The following UNC13C variants were observed in gnomAD, a reference collection of about 807,000 sequenced individuals.
UNC13C encodes the protein protein unc-13 homolog C.
Under a neutral mutation model 245.4 loss-of-function variants are expected in UNC13C, and 174 were observed. That is an observed-to-expected ratio of 0.71 (90% confidence interval 0.63 to 0.80). The LOEUF is 0.80. Among genes scored for constraint, UNC13C ranks in the 30% least tolerant of loss-of-function variants. The pLI, the probability that UNC13C is intolerant of heterozygous loss-of-function variation, is 0.00. For synonymous variants in UNC13C, 992 were observed against 895.1 expected (o/e 1.11, Z -1.93); for missense variants, 2,829 against 2,602.9 (o/e 1.09, Z -1.89).
chr15:54,005,886 A>C (rs1470715778), intron 1 of UNC13C, among the ~76,000 whole-genome samples: 1 of 152,188 alleles, frequency 6.6e-6, no homozygotes, highest in Non-Finnish European at 1.5e-5. Flanking sequence ...AGAAAATGAT[A>C]TTTAAGGGAA....
chr15:53,917,708 C>T, the UNC13C span, among the ~76,000 whole-genome samples: 467 of 152,302 alleles, frequency 3.1e-3, 4 homozygotes, highest in African/African-American at 0.011. Context: ...ATCTGTCATA[C>T]TTTCCCTAGA....
chr15:53,845,458 C>A, the UNC13C span, among the ~76,000 whole-genome samples: 8 of 152,102 alleles, frequency 5.3e-5, no homozygotes, highest in African/African-American at 1.9e-4. Context: ...TGGAAGACAA[C>A]ACAGCCCTCC....
rs377063453 is a variant in UNC13C at position 54,333,849 on chromosome 15, G to A, written c.4577G>A (p.Arg1526Lys). The change falls in exon 16 of 33, where the codon AGG becomes AAG. Residue 1526 changes from arginine to lysine, a missense_variant. Arg to Lys is a conservative substitution (Grantham distance 26). Coordinates refer to ENST00000260323, the MANE Select transcript of UNC13C (RefSeq NM_001080534.3). ...VDLLTSITFF[R>K]MKVLELQSPP... ...CTGTTAACAAGTATCACCTTTTTTA[G>A]GATGAAGGTATCTCATTTTATTTCT... 163 of 1,597,364 alleles carry A rather than the reference G, an allele frequency of 1.0e-4. No homozygotes were observed. The highest frequency in any genetic ancestry group is 1.1e-4 in the Non-Finnish European group (125 of 1,170,294).
Position 54,013,270 on chromosome 15 carries a change from A to T in UNC13C, c.367A>T (p.Ile123Phe), listed in dbSNP as rs547772270. The change falls in exon 2 of 33, where the codon ATC becomes TTC. Residue 123 changes from isoleucine (I) to phenylalanine (F), a missense_variant. Physicochemically the swap from Ile to Phe is conservative, Grantham distance 21. Transcript: ENST00000260323. ...NEDLLQELSS[I>F]ESSYSESLNE... ...GGATCTGCTTCAAGAGCTCTCTTCA[A>T]TCGAGAGTTCCTACTCAGAATCATT... 49 of 1,613,736 alleles carry T rather than the reference A, an allele frequency of 3.0e-5. No individual in the cohort carries two copies. Among genetic ancestry groups the T allele is most frequent in the Admixed American group, 1.0e-4 (6 of 59,898 alleles).
At chr15:54,506,864 G>A (rs1894497003) in intron 22 of UNC13C, among the ~76,000 whole-genome samples, 1 of 152,030 alleles carries the variant, frequency 6.6e-6, no homozygotes, top group African/African-American at 2.4e-5. Flanking sequence ...TATAAAAGCA[G>A]TGAGTGCAAA....
chr15:54,288,150 A>G (rs1048443221), intron 10 of UNC13C, among the ~76,000 whole-genome samples: 1 of 152,198 alleles, frequency 6.6e-6, no homozygotes, highest in Non-Finnish European at 1.5e-5. Flanking sequence ...CTTTGTATGT[A>G]GCAACCATAG....
intron 19 of UNC13C, among the ~76,000 whole-genome samples, chr15:54,483,785 T>G (rs1050514199): frequency 1.3e-5 from 2 of 152,244 alleles, no homozygotes; most frequent in East Asian, 1.9e-4. Flanking sequence ...ATTTTCTGTC[T>G]TTGCCATTGC....
chr15:54,051,598 A>G (rs1398633482), intron 2 of UNC13C, among the ~76,000 whole-genome samples: 1 of 151,654 alleles, frequency 6.6e-6, no homozygotes, highest in Non-Finnish European at 1.5e-5. Flanking sequence ...ATGATTTTTC[A>G]TTTTCTAACT....
intron 14 of UNC13C, among the ~76,000 whole-genome samples, chr15:54,329,719 T>A (rs1218307072): frequency 6.6e-6 from 1 of 152,116 alleles, no homozygotes; most frequent in Non-Finnish European, 1.5e-5. Flanking sequence ...TAATTTCACA[T>A]CATCTGATGT....
chr15:53,958,164 A>G, the UNC13C span, among the ~76,000 whole-genome samples: 48,745 of 151,906 alleles, frequency 0.32, 7,862 homozygotes, highest in Middle Eastern at 0.33. Flanking sequence ...TTGTCACCCA[A>G]TCCCCTTTTT....
intron 31 of UNC13C, 32 bp from the exon 32 acceptor site, chr15:54,623,763 T>C (rs1208113704): frequency 5.0e-6 from 8 of 1,586,220 alleles, no homozygotes; most frequent in Non-Finnish European, 6.0e-6. Flanking sequence ...CACACATCTG[T>C]TTGCTAAAAT....
rs1895575316 is a variant in UNC13C, at chr15:54,014,979, T to C, written c.2076T>C (p.Asn692=). 1.2e-6 allele frequency: 2 copies of C among 1,613,632 alleles called. No individual in the cohort carries two copies. Among genetic ancestry groups the C allele is most frequent in the Non-Finnish European group, 8.5e-7 (1 of 1,179,830 alleles). The part of the protein sequence containing the change: ...SLFDQQLDVY[N]KDLEYLGKCH... ...TTGACCAACAGCTTGATGTTTACAATAAAGACCTAGAATACTTGGGAAAGT... is the reference window on the plus strand; with the variant it reads ...TTGACCAACAGCTTGATGTTTACAACAAAGACCTAGAATACTTGGGAAAGT... The change falls in exon 2 of 33, where the codon AAT becomes AAC. Residue 692 remains asparagine, a synonymous_variant. Coordinates refer to ENST00000260323, the MANE Select transcript of UNC13C (RefSeq NM_001080534.3).
At chr15:54,304,521 G>T (rs901875972) in intron 13 of UNC13C, among the ~76,000 whole-genome samples, 2 of 151,642 alleles carry the variant, frequency 1.3e-5, no homozygotes, top group Non-Finnish European at 2.9e-5. Context: ...TCGCCCTGAC[G>T]TCCGTTTCCT....
At chr15:54,574,296 C>T (rs1351237822) in intron 30 of UNC13C, among the ~76,000 whole-genome samples, 2 of 152,070 alleles carry the variant, frequency 1.3e-5, no homozygotes, top group Non-Finnish European at 2.9e-5. Flanking sequence ...TGATAGTTAG[C>T]TTGAAATATT....
chr15:53,870,836 G>T, the UNC13C span, among the ~76,000 whole-genome samples: 1 of 152,188 alleles, frequency 6.6e-6, no homozygotes, highest in Non-Finnish European at 1.5e-5. Flanking sequence ...GAGAAGCAGA[G>T]TTCCTGCCCT....
chr15:54,366,832 A>G (rs2039375787), intron 17 of UNC13C, among the ~76,000 whole-genome samples: 2 of 152,130 alleles, frequency 1.3e-5, no homozygotes, highest in Non-Finnish European at 2.9e-5. Context: ...AGATTTGGAC[A>G]ACTCTTGACT....
chr15:53,999,005 A>C (rs1894760756), intron 1 of UNC13C, among the ~76,000 whole-genome samples: 1 of 151,920 alleles, frequency 6.6e-6, no homozygotes, highest in Non-Finnish European at 1.5e-5. Flanking sequence ...TTATTTGCTA[A>C]TGTTTTGTTA....
At chr15:54,221,037 C>A (rs191598705) in intron 4 of UNC13C, among the ~76,000 whole-genome samples, 17 of 152,020 alleles carry the variant, frequency 1.1e-4, no homozygotes, top group Non-Finnish European at 2.9e-5. Context: ...AAGTCTAATT[C>A]CAAAGATTTA....
chr15:54,465,837 A>C (rs985917870), intron 19 of UNC13C, among the ~76,000 whole-genome samples: 1 of 152,074 alleles, frequency 6.6e-6, no homozygotes, highest in Non-Finnish European at 1.5e-5. Context: ...AAGGAGCATG[A>C]TGTTGCATAT....
Sources: allele counts gnomAD v4.1 joint callset (sites outside exome capture counted in the v4.1 genomes callset), GRCh38; gene constraint gnomAD v4.1.1; transcripts MANE v1.5; gene names NCBI Gene and HGNC (gene_info 2026-07-23, HGNC 2026-07-21).